The following CSMD1 variants were observed in gnomAD, a reference collection of about 807,000 sequenced individuals.
CSMD1 encodes CUB and Sushi multiple domains 1.
A neutral mutation model predicts 417.5 loss-of-function variants in CSMD1; 213 were observed. The observed-to-expected ratio is 0.51, with a 90% CI of 0.46 to 0.57. CSMD1 has a LOEUF of 0.57. Among genes scored for constraint, CSMD1 ranks in the 20% least tolerant of loss-of-function variants. CSMD1 has a pLI of 0.00. For missense variants in CSMD1, 6,923 were observed against 4,529.7 expected, an observed-to-expected ratio of 1.53 and a Z score of -15.17; for synonymous variants, 2,862 against 1,736.8, an observed-to-expected ratio of 1.65 and a Z score of -16.11.
intron 3 of CSMD1, among the ~76,000 whole-genome samples, chr8:4,125,001 A>G (rs1585368133): frequency 6.6e-6 from 1 of 152,146 alleles, no homozygotes; most frequent in East Asian, 1.9e-4. Context: ...TTTCACTTTC[A>G]TAAATCTTGC....
chr8:4,116,856 TA>T (rs1443256175), intron 3 of CSMD1, among the ~76,000 whole-genome samples: 1 of 151,930 alleles, frequency 6.6e-6, no homozygotes, highest in Non-Finnish European at 1.5e-5. Flanking sequence ...ACCTGGCATT[TA>T]CTGTACAATG....
chr8:4,666,189 A>G (rs993845806), intron 1 of CSMD1, among the ~76,000 whole-genome samples: 1 of 152,148 alleles, frequency 6.6e-6, no homozygotes, highest in African/African-American at 2.4e-5. Flanking sequence ...AAGGATGTCT[A>G]AGTCCTACTT....
intron 3 of CSMD1, among the ~76,000 whole-genome samples, chr8:4,309,057 T>G (rs1798413800): frequency 1.3e-5 from 2 of 152,168 alleles, no homozygotes; most frequent in Non-Finnish European, 2.9e-5. Context: ...CCTATATTAC[T>G]TTTTATTATT....
At position 3,409,434 on chromosome 8, in the gene CSMD1, G is replaced by C; in HGVS notation, c.1733C>G (p.Pro578Arg). 2 of 1,609,912 alleles carry C rather than the reference G, an allele frequency of 1.2e-6. No individual in the cohort carries two copies. The highest frequency in any genetic ancestry group is 1.7e-6 in the Non-Finnish European group (2 of 1,178,162). The change falls in exon 13 of 70, where the codon CCC becomes CGC. Residue 578 changes from proline to arginine, a missense_variant. By Grantham distance (103) the Pro-to-Arg change is moderately radical. Coordinates refer to ENST00000635120, the MANE Select transcript of CSMD1 (RefSeq NM_033225.6). Reference protein sequence around the residue: ...QQNNQWSGNKPSCVFSCFFNF... With the variant: ...QQNNQWSGNKRSCVFSCFFNF... ...GGCATAATACTCACATACACAGCTG[G>C]GCTTGTTGCCAGACCACTGATTGTT...
intron 2 of CSMD1, among the ~76,000 whole-genome samples, chr8:4,540,799 A>G (rs1157153480): frequency 1.3e-5 from 2 of 152,112 alleles, no homozygotes; most frequent in Non-Finnish European, 1.5e-5. Flanking sequence ...TTCTGTTATT[A>G]TCCCCATTTT....
chr8:3,818,414 C>G (rs1278034987), intron 5 of CSMD1, among the ~76,000 whole-genome samples: 1 of 152,108 alleles, frequency 6.6e-6, no homozygotes, highest in African/African-American at 2.4e-5. Flanking sequence ...GAAAACAGCA[C>G]CAAACAATTA....
intron 3 of CSMD1, among the ~76,000 whole-genome samples, chr8:4,112,200 A>T (rs1801893010): frequency 6.6e-6 from 1 of 152,132 alleles, no homozygotes; most frequent in African/African-American, 2.4e-5. Context: ...AATTATCAAG[A>T]ACCAGTAACA....
At chr8:3,825,442 T>G (rs942042215) in intron 5 of CSMD1, among the ~76,000 whole-genome samples, 1 of 151,996 alleles carries the variant, frequency 6.6e-6, no homozygotes, top group Non-Finnish European at 1.5e-5. Flanking sequence ...GGCAGTAGAA[T>G]CGCTTGAACC....
At chr8:3,628,387 G>T (rs10097561) in intron 7 of CSMD1, among the ~76,000 whole-genome samples, 1 of 152,110 alleles carries the variant, frequency 6.6e-6, no homozygotes, top group Non-Finnish European at 1.5e-5. Context: ...CAGAGCACAG[G>T]CCCGTAGTCA....
At chr8:3,786,080 T>C (rs1238287585) in intron 5 of CSMD1, among the ~76,000 whole-genome samples, 1 of 151,994 alleles carries the variant, frequency 6.6e-6, no homozygotes, top group East Asian at 1.9e-4. Context: ...CAGGCCTCAT[T>C]GAAAGACTGG....
At chr8:4,276,075 G>A (rs925691136) in intron 3 of CSMD1, among the ~76,000 whole-genome samples, 1 of 152,128 alleles carries the variant, frequency 6.6e-6, no homozygotes, top group Non-Finnish European at 1.5e-5. Context: ...ATTCCTTAAG[G>A]ATCTAGAACT....
At chr8:4,567,076 A>T (rs1798649492) in intron 2 of CSMD1, among the ~76,000 whole-genome samples, 1 of 151,976 alleles carries the variant, frequency 6.6e-6, no homozygotes, top group Non-Finnish European at 1.5e-5. Flanking sequence ...AAATAGCTTA[A>T]ATTTATTAAT....
chr8:3,954,520 C>G lies in CSMD1; in HGVS notation c.818+43383G>C, dbSNP rs371938425. Reference sequence around the variant, plus strand: ...TAGCTGGGATTACAGGCACCCACCACCACTCCCAGATAATTTTTTTGTATT... The same window carrying G: ...TAGCTGGGATTACAGGCACCCACCAGCACTCCCAGATAATTTTTTTGTATT... On this transcript the variant is annotated intron_variant, in intron 5 of 69. Coordinates refer to ENST00000635120, the MANE Select transcript of CSMD1 (RefSeq NM_033225.6). 2.4e-4 allele frequency among the ~76,000 whole-genome samples: 36 copies of G among 152,214 alleles called. No individual in the cohort carries two copies. The East Asian group carries it at 6.4e-3, about 27-fold the overall frequency.
intron 3 of CSMD1, among the ~76,000 whole-genome samples, chr8:4,118,846 T>C (rs1305401275): frequency 6.6e-6 from 1 of 152,186 alleles, no homozygotes; most frequent in African/African-American, 2.4e-5. Flanking sequence ...CCAACCCAAA[T>C]GCTCAACAAT....
intron 35 of CSMD1, among the ~76,000 whole-genome samples, chr8:3,188,488 G>C (rs1298959028): frequency 6.6e-6 from 1 of 151,326 alleles, no homozygotes; most frequent in Non-Finnish European, 1.5e-5. Flanking sequence ...TATATTTTTA[G>C]TAGAGACAGG....
intron 1 of CSMD1, among the ~76,000 whole-genome samples, chr8:4,940,650 C>A (rs1389816675): frequency 6.6e-6 from 1 of 152,184 alleles, no homozygotes; most frequent in South Asian, 2.1e-4. Context: ...GAGGTTCTTA[C>A]GTTCTTTAAC....
chr8:4,603,386 TTAAAAATG>T (rs1184769215), intron 2 of CSMD1, among the ~76,000 whole-genome samples: 3 of 152,088 alleles, frequency 2.0e-5, no homozygotes, highest in Non-Finnish European at 4.4e-5. Context: ...TTAAACCCAC[TTAAAAATG>T]TGGTGAACCT....
chr8:4,314,122 C>G (rs1774268098), intron 3 of CSMD1, among the ~76,000 whole-genome samples: 1 of 151,990 alleles, frequency 6.6e-6, no homozygotes, highest in South Asian at 2.1e-4. Context: ...CACCATGTAT[C>G]CGACATGCAG....
chr8:4,764,852 G>C (rs554497765), intron 1 of CSMD1, among the ~76,000 whole-genome samples: 1 of 72,120 alleles, frequency 1.4e-5, no homozygotes, highest in South Asian at 4.3e-4. Context: ...CAGCCTGGGC[G>C]ACAGAGCGAG....
Sources: allele counts gnomAD v4.1 joint callset (sites outside exome capture counted in the v4.1 genomes callset), GRCh38; gene constraint gnomAD v4.1.1; transcripts MANE v1.5; gene names NCBI Gene and HGNC (gene_info 2026-07-23, HGNC 2026-07-21).